The following TMEM120B variants were observed in gnomAD, a reference collection of about 807,000 sequenced individuals.
The protein encoded by TMEM120B is transmembrane protein 120B.
TMEM120B carries 31 observed loss-of-function variants against 55.5 expected under a neutral mutation model. The observed-to-expected ratio is 0.56, with a 90% CI of 0.42 to 0.75. The LOEUF is 0.75. Among genes scored for constraint, TMEM120B ranks in the 30% least tolerant of loss-of-function variants. The pLI, the probability that TMEM120B is intolerant of heterozygous loss-of-function variation, is 0.00. For synonymous variants in TMEM120B, 203 were observed against 176.3 expected (o/e 1.15, Z -1.20); for missense variants, 399 against 425.5 (o/e 0.94, Z 0.55).
At chr12:121,766,841 T>C (rs1873866161) in intron 6 of TMEM120B, among the ~76,000 whole-genome samples, 2 of 152,244 alleles carry the variant, frequency 1.3e-5, no homozygotes, top group Admixed American at 1.3e-4. Context: ...GACTCGGTGA[T>C]CATGTTTGGT....
At chr12:121,762,409 C>CT (rs1873709703) in intron 6 of TMEM120B, among the ~76,000 whole-genome samples, 1 of 152,208 alleles carries the variant, frequency 6.6e-6, no homozygotes, top group African/African-American at 2.4e-5. Flanking sequence ...ACTCCAGGCT[C>CT]ATGTCACTAT....
At chr12:121,733,581 C>G (rs1396941447) in intron 1 of TMEM120B, among the ~76,000 whole-genome samples, 7 of 148,676 alleles carry the variant, frequency 4.7e-5, no homozygotes, top group Non-Finnish European at 1.0e-4. Flanking sequence ...ACTCTGTTGC[C>G]CAGGCCGGAG....
Position 121,712,937 on chromosome 12 carries a change from G to C in TMEM120B, c.42G>C (p.Glu14Asp), listed in dbSNP as rs749450172. The change falls in exon 1 of 12, where the codon GAG becomes GAC. Residue 14 changes from glutamate to aspartate, a missense_variant. Glu to Asp is a conservative substitution (Grantham distance 45, BLOSUM62 2). This residue lies in a region of TMEM120B where 133 missense variants were observed against 104.1 expected (regional missense o/e 1.28). Transcript: ENST00000449592. ...AGCGTTGCGAGCGCGAATGGCACGA[G>C]CTGGAGGGAGAATTTCAAGAACTGC... ...QLERCEREWH[E>D]LEGEFQELQE... The C allele has an allele frequency of 3.1e-5, 48 of 1,540,922 alleles. No homozygotes were observed. The highest frequency in any genetic ancestry group is 3.1e-5 in the Non-Finnish European group (36 of 1,150,520).
chr12:121,759,028 A>G (rs981651128), intron 5 of TMEM120B: 59 of 985,210 alleles, frequency 6.0e-5, no homozygotes, highest in African/African-American at 2.6e-4. Flanking sequence ...ATTTTTTTAT[A>G]TATGTAACAA....
intron 1 of TMEM120B, among the ~76,000 whole-genome samples, chr12:121,742,200 A>G (rs776387118): frequency 1.3e-5 from 2 of 151,970 alleles, no homozygotes; most frequent in African/African-American, 4.8e-5. Context: ...ACAGGGTTTC[A>G]CTATTTTGGT....
chr12:121,717,989 A>G (rs1286707163), intron 1 of TMEM120B, among the ~76,000 whole-genome samples: 2 of 152,188 alleles, frequency 1.3e-5, no homozygotes, highest in African/African-American at 4.8e-5. Flanking sequence ...TTGTGCAGAA[A>G]AAGACACTGC....
At chr12:121,760,308 AAAAGT>A (rs1209728311) in intron 5 of TMEM120B, among the ~76,000 whole-genome samples, 2 of 152,086 alleles carry the variant, frequency 1.3e-5, no homozygotes, top group South Asian at 4.1e-4. Flanking sequence ...AAAAAAAAGA[AAAAGT>A]AAAGTACACT....
At position 121,737,784 on chromosome 12, in the gene TMEM120B, C is replaced by T. The variant is rs998252901; in HGVS notation, c.70-5845C>T. ...CAGCACTTTGGGAGGCCAAAGTGGG[C>T]GCATCACTTGAGGCCAGGAGTTTGA... On this transcript the variant is annotated intron_variant, in intron 1 of 11. Coordinates refer to ENST00000449592, the MANE Select transcript of TMEM120B (RefSeq NM_001080825.2). 9.9e-5 allele frequency among the ~76,000 whole-genome samples: 15 copies of T among 152,052 alleles called. 1 individual carries two copies. Among genetic ancestry groups the T allele is most frequent in the East Asian group, 5.8e-4 (3 of 5,164 alleles).
At chr12:121,718,983 T>A (rs1013000418) in intron 1 of TMEM120B, among the ~76,000 whole-genome samples, 14 of 152,096 alleles carry the variant, frequency 9.2e-5, no homozygotes, top group Non-Finnish European at 1.9e-4. Flanking sequence ...TCAGCTGACA[T>A]CTGTCAGCTT....
In TMEM120B at chr12:121,777,936, G is replaced by T. The variant is rs1331880329; in HGVS notation, c.*2214G>T. Reference sequence around the variant, plus strand: ...TTGGGAACCTGGGTGGGTTGGGGAGGGTCTCAGAAGGCTCCTTCCTTTGGC... The same window carrying T: ...TTGGGAACCTGGGTGGGTTGGGGAGTGTCTCAGAAGGCTCCTTCCTTTGGC... On this transcript the variant is annotated 3_prime_UTR_variant, in exon 12 of 12. Transcript: ENST00000449592. 1 of 152,168 alleles carries T rather than the reference G, an allele frequency of 6.6e-6. No homozygotes were observed. Among genetic ancestry groups the T allele is most frequent in the Non-Finnish European group, 1.5e-5 (1 of 68,050 alleles). The allele number at this position is 152,168 out of a possible 1,614,324, so 9.4% of individuals were successfully genotyped here.
intron 2 of TMEM120B, 52 bp downstream of exon 2, chr12:121,743,799 C>A: frequency 7.8e-7 from 1 of 1,278,842 alleles, no homozygotes; most frequent in Non-Finnish European, 1.1e-6. Context: ...GACAGAAGTC[C>A]AACTCAAAAC....
At chr12:121,727,735 G>C (rs530861274) in intron 1 of TMEM120B, among the ~76,000 whole-genome samples, 1 of 150,650 alleles carries the variant, frequency 6.6e-6, no homozygotes, top group African/African-American at 2.4e-5. Context: ...TTAGACAGGC[G>C]TGGTGGCAGG....
intron 1 of TMEM120B, among the ~76,000 whole-genome samples, chr12:121,730,587 G>A (rs1894980491): frequency 6.8e-6 from 1 of 146,172 alleles, no homozygotes; most frequent in African/African-American, 2.6e-5. Context: ...GGAGGCGGAG[G>A]TTTCAGTGAG....
chr12:121,731,830 G>A (rs2137052602), intron 1 of TMEM120B, among the ~76,000 whole-genome samples: 1 of 152,312 alleles, frequency 6.6e-6, no homozygotes, highest in African/African-American at 2.4e-5. Context: ...ATGGTTAAAA[G>A]TTATGTATAT....
At chr12:121,771,623 T>C in intron 8 of TMEM120B, 74 bp downstream of exon 8, 1 of 1,439,060 alleles carries the variant, frequency 6.9e-7, no homozygotes, top group South Asian at 1.1e-5. Context: ...GGGCCCCAGC[T>C]GACATCAATC....
chr12:121,775,321 G>T lies in TMEM120B; in HGVS notation c.906+191G>T. The T allele has an allele frequency of 1.4e-6, 1 of 730,500 alleles. No homozygotes were observed. Among genetic ancestry groups the T allele is most frequent in the Non-Finnish European group, 1.7e-6 (1 of 597,478 alleles). 45.3% of individuals were successfully genotyped at this position (730,500 alleles called of 1,614,324 possible). A position where few individuals can be genotyped will look rare whatever the true frequency, so the allele number is the denominator to read the frequency against. Reference sequence around the variant, plus strand: ...TGGGGCGGGCTGGGCTGGCAGGTGTGGGGTGTTGTGGGGGGCCTGCTTGGC... The same window carrying T: ...TGGGGCGGGCTGGGCTGGCAGGTGTTGGGTGTTGTGGGGGGCCTGCTTGGC... On this transcript the variant is annotated intron_variant, in intron 11 of 11. Transcript: ENST00000449592. The surrounding 1 kb of genome is among the most constrained non-coding windows in gnomAD (Gnocchi z 4.3).
At chr12:121,774,846 G>A (rs7314742) in intron 10 of TMEM120B, 124 bp downstream of exon 10, 21 of 1,301,828 alleles carry the variant, frequency 1.6e-5, no homozygotes, top group Admixed American at 8.7e-5. Flanking sequence ...TCCTGGGGCC[G>A]GGGCAGCCTC....
intron 8 of TMEM120B, among the ~76,000 whole-genome samples, 180 bp downstream of exon 8, chr12:121,771,729 C>T (rs1874060035): frequency 6.6e-6 from 1 of 152,182 alleles, no homozygotes. Context: ...CTCCACCCAC[C>T]TCCCAGCCCC....
chr12:121,776,945 G>C lies in TMEM120B; in HGVS notation c.*1223G>C, dbSNP rs1874267704. 2 of 147,720 alleles carry C rather than the reference G, an allele frequency of 1.4e-5. No homozygotes were observed. Among genetic ancestry groups the C allele is most frequent in the Admixed American group, 1.3e-4 (2 of 14,858 alleles). 9.2% of individuals were successfully genotyped at this position (147,720 alleles called of 1,614,324 possible). ...TGGGACCACAATCACACACCACCAT[G>C]CCCTGCTCCTTTTTTTTTTTTTTTT... On this transcript the variant is annotated 3_prime_UTR_variant, in exon 12 of 12. Coordinates refer to ENST00000449592, the MANE Select transcript of TMEM120B (RefSeq NM_001080825.2).
Sources: gnomAD v4.1 joint callset for allele counts (sites outside exome capture counted in the v4.1 genomes callset) on GRCh38, gnomAD v4.1.1 for gene constraint, gnomAD v4.1.1 regional missense constraint, Gnocchi (gnomAD v3.1) non-coding constraint, MANE v1.5 for transcripts, NCBI Gene and HGNC (gene_info 2026-07-23, HGNC 2026-07-21) for gene names.